CELF4: variants seen among roughly 807,000 people sequenced by gnomAD.
CELF4 encodes the protein CUG-BP- and ETR-3-like factor 4.
In CELF4, 18 loss-of-function variants were observed where a neutral mutation model predicts 59.9. The observed-to-expected ratio is 0.30, with a 90% confidence interval of 0.21 to 0.45. CELF4 has a LOEUF of 0.45. Ranked by LOEUF, CELF4 falls within the 20% of genes least tolerant of loss-of-function variation. CELF4 has a pLI of 1.00. For synonymous variants in CELF4, 261 were observed against 267.1 expected, an observed-to-expected ratio of 0.98 and a Z score of 0.22; for missense variants, 456 against 689.0, an observed-to-expected ratio of 0.66 and a Z score of 3.79.
At chr18:37,315,948 C>T (rs1190484385) in intron 3 of CELF4, among the ~76,000 whole-genome samples, 2 of 152,190 alleles carry the variant, frequency 1.3e-5, no homozygotes, top group African/African-American at 4.8e-5. Context: ...TCTCTGACTC[C>T]CTGAAAGGAG....
chr18:37,483,518 C>T (rs2099874832), intron 2 of CELF4, among the ~76,000 whole-genome samples: 2 of 152,182 alleles, frequency 1.3e-5, no homozygotes, highest in African/African-American at 2.4e-5. Context: ...CCCCCCTCCC[C>T]GTCCCAACAT....
At position 37,469,385 on chromosome 18, in the gene CELF4, T is replaced by C. The variant is rs558681056; in HGVS notation, c.369+16140A>G. Among the ~76,000 whole-genome samples, 6 of 152,284 alleles carry C rather than the reference T, an allele frequency of 3.9e-5. No individual in the cohort carries two copies. The East Asian group carries it at 1.2e-3, about 29-fold the overall frequency. ...CAGCAGACAGTTCCATGTGAATTTG[T>C]TTAATGTAAATACATCCTCTATTTA... On this transcript the variant is annotated intron_variant, in intron 2 of 12. Coordinates refer to ENST00000420428, the MANE Select transcript of CELF4 (RefSeq NM_020180.4).
intron 1 of CELF4, among the ~76,000 whole-genome samples, chr18:37,536,220 T>G (rs1245816288): frequency 6.7e-6 from 1 of 148,568 alleles, no homozygotes. Flanking sequence ...CCTGGAGGGG[T>G]GATGGGAGGG....
chr18:37,469,631 A>G (rs1393972848), intron 2 of CELF4, among the ~76,000 whole-genome samples: 3 of 152,196 alleles, frequency 2.0e-5, no homozygotes, highest in Non-Finnish European at 4.4e-5. Context: ...AGTTTATCCT[A>G]AAAGAAAATA....
intron 1 of CELF4, among the ~76,000 whole-genome samples, chr18:37,497,731 C>T (rs554703820): frequency 6.6e-6 from 1 of 152,002 alleles, no homozygotes; most frequent in South Asian, 2.1e-4. Flanking sequence ...AACCAACATA[C>T]CTATCAAGCC....
chr18:37,335,984 C>T (rs1294592442), intron 2 of CELF4, among the ~76,000 whole-genome samples: 1 of 152,210 alleles, frequency 6.6e-6, no homozygotes, highest in Admixed American at 6.5e-5. Flanking sequence ...CTAGCTTGGA[C>T]TCCAACTCTA....
Position 37,503,383 on chromosome 18 carries a change from G to C in CELF4, c.287-17776C>G, listed in dbSNP as rs574620901. ...CTCTTATGACTCCTGGCCCGTGGCTGGCACTCCAGCCAACAAAGCCCAAGT... is the reference window on the plus strand; with the variant it reads ...CTCTTATGACTCCTGGCCCGTGGCTCGCACTCCAGCCAACAAAGCCCAAGT... On this transcript the variant is annotated intron_variant, in intron 1 of 12. Transcript: ENST00000420428. 5.4e-4 allele frequency among the ~76,000 whole-genome samples: 83 copies of C among 152,336 alleles called. 1 individual carries two copies. The South Asian group carries it at 0.015, about 28-fold the overall frequency.
chr18:37,558,999 T>G (rs191791556), intron 1 of CELF4, among the ~76,000 whole-genome samples: 15 of 151,990 alleles, frequency 9.9e-5, no homozygotes, highest in Admixed American at 1.3e-4. Context: ...AGGCCAGCCT[T>G]AAAAGGGTGA....
chr18:37,510,735 CTG>C (rs2099943316), intron 1 of CELF4, among the ~76,000 whole-genome samples: 1 of 151,750 alleles, frequency 6.6e-6, no homozygotes. Flanking sequence ...TCCTTGGCTC[CTG>C]GGCTTCCTTT....
chr18:37,480,019 C>T (rs1418831750), intron 2 of CELF4, among the ~76,000 whole-genome samples: 1 of 152,210 alleles, frequency 6.6e-6, no homozygotes, highest in Non-Finnish European at 1.5e-5. Flanking sequence ...ACTGATTCTC[C>T]CTCACAGCCC....
intron 3 of CELF4, among the ~76,000 whole-genome samples, chr18:37,276,887 C>A (rs2093387429): frequency 6.6e-6 from 1 of 152,190 alleles, no homozygotes; most frequent in African/African-American, 2.4e-5. Context: ...GAAATGCAGA[C>A]CCCAAAACTG....
chr18:37,287,552 C>T (rs2094917706), intron 3 of CELF4, among the ~76,000 whole-genome samples: 2 of 152,222 alleles, frequency 1.3e-5, no homozygotes, highest in Non-Finnish European at 2.9e-5. Flanking sequence ...TCTCTCTTCC[C>T]CTGTGCCCCT....
At chr18:37,386,498 G>T (rs2099101085) in intron 2 of CELF4, among the ~76,000 whole-genome samples, 1 of 152,194 alleles carries the variant, frequency 6.6e-6, no homozygotes, top group African/African-American at 2.4e-5. Flanking sequence ...TGAGGAGAGT[G>T]AGGCGGAGAG....
At chr18:37,547,462 A>C (rs764316403) in intron 1 of CELF4, among the ~76,000 whole-genome samples, 18 of 151,990 alleles carry the variant, frequency 1.2e-4, no homozygotes, top group Non-Finnish European at 2.6e-4. Flanking sequence ...CCCCTTACCT[A>C]CATGAGAGCT....
chr18:37,304,803 C>T (rs1017105458), intron 3 of CELF4, among the ~76,000 whole-genome samples: 1 of 152,224 alleles, frequency 6.6e-6, no homozygotes, highest in East Asian at 1.9e-4. Flanking sequence ...CTAAGCAGTG[C>T]TGCCCCTTCC....
At chr18:37,278,293 C>A (rs921807728) in intron 3 of CELF4, among the ~76,000 whole-genome samples, 2 of 152,188 alleles carry the variant, frequency 1.3e-5, no homozygotes, top group African/African-American at 2.4e-5. Flanking sequence ...CCAAAGACAC[C>A]CAGCTTCAGA....
At chr18:37,530,901 GA>G (rs111244341) in intron 1 of CELF4, among the ~76,000 whole-genome samples, 606 of 126,540 alleles carry the variant, frequency 4.8e-3, no homozygotes, top group Non-Finnish European at 6.8e-3. Flanking sequence ...AGCAGGATTA[GA>G]AAAAAAAAAA....
At chr18:37,281,807 C>CA (rs916806221) in intron 3 of CELF4, among the ~76,000 whole-genome samples, 2 of 152,174 alleles carry the variant, frequency 1.3e-5, no homozygotes, top group Non-Finnish European at 2.9e-5. Flanking sequence ...CAGTGGCCCC[C>CA]CCAGGGTGCC....
intron 2 of CELF4, among the ~76,000 whole-genome samples, chr18:37,466,055 G>A (rs2099807599): frequency 6.6e-6 from 1 of 152,204 alleles, no homozygotes; most frequent in East Asian, 1.9e-4. Flanking sequence ...GCTCGCCTCT[G>A]CCATCCCCCT....
Sources: gnomAD v4.1 joint callset for allele counts (sites outside exome capture counted in the v4.1 genomes callset) on GRCh38, gnomAD v4.1.1 for gene constraint, MANE v1.5 for transcripts, NCBI Gene and HGNC (gene_info 2026-07-23, HGNC 2026-07-21) for gene names.